The following SRD5A2 variants were observed in gnomAD, a reference collection of about 807,000 sequenced individuals.
SRD5A2 encodes steroid 5 alpha-reductase 2, also known as 3-oxo-5-alpha-steroid 4-dehydrogenase 2.
In SRD5A2, 30 loss-of-function variants were observed where a neutral mutation model predicts 27.4. The ratio of observed to expected loss-of-function variants is 1.10; its 90% CI spans 0.82 to 1.49. SRD5A2 has a LOEUF of 1.49. SRD5A2 is among the 40% of genes most tolerant of loss of function. SRD5A2 has a pLI of 0.00. For missense variants in SRD5A2, 348 were observed against 323.4 expected (o/e 1.08, Z -0.58); for synonymous variants, 141 against 133.6 (o/e 1.06, Z -0.38).
At chr2:31,661,579 A>T in the SRD5A2 span, among the ~76,000 whole-genome samples, 3 of 152,200 alleles carry the variant, frequency 2.0e-5, no homozygotes, top group African/African-American at 7.2e-5. Flanking sequence ...ACAAGAGACT[A>T]ATGAAGAATT....
intron 2 of SRD5A2, among the ~76,000 whole-genome samples, chr2:31,532,464 A>G (rs993385143): frequency 2.6e-5 from 4 of 151,974 alleles, no homozygotes; most frequent in East Asian, 1.9e-4. Context: ...ACTTAGCCAC[A>G]TATCCTGGAG....
At chr2:31,635,194 T>C in the SRD5A2 span, among the ~76,000 whole-genome samples, 4 of 152,130 alleles carry the variant, frequency 2.6e-5, no homozygotes, top group Admixed American at 6.6e-5. Context: ...ATATCCTTGC[T>C]AGCATGTGTT....
chr2:31,633,943 A>G, the SRD5A2 span, among the ~76,000 whole-genome samples: 2 of 152,158 alleles, frequency 1.3e-5, no homozygotes, highest in African/African-American at 4.8e-5. Flanking sequence ...CTTAAAGTAT[A>G]ATAAAAAAAA....
chr2:31,615,495 C>A, the SRD5A2 span, among the ~76,000 whole-genome samples: 2 of 152,102 alleles, frequency 1.3e-5, no homozygotes, highest in Non-Finnish European at 2.9e-5. Flanking sequence ...ATCTGTGGAA[C>A]TTTGAACTTG....
chr2:31,640,091 T>C, the SRD5A2 span, among the ~76,000 whole-genome samples: 1 of 152,000 alleles, frequency 6.6e-6, no homozygotes, highest in Non-Finnish European at 1.5e-5. Context: ...GGTCTTTGAG[T>C]TCATTCATTG....
chr2:31,526,655 A>G (rs768792997), intron 4 of SRD5A2, among the ~76,000 whole-genome samples: 1 of 152,192 alleles, frequency 6.6e-6, no homozygotes, highest in Non-Finnish European at 1.5e-5. Context: ...ACCAAAGACT[A>G]TGGGCAAAGA....
intron 4 of SRD5A2, among the ~76,000 whole-genome samples, chr2:31,528,416 C>A (rs1665827633): frequency 6.6e-6 from 1 of 152,178 alleles, no homozygotes; most frequent in South Asian, 2.1e-4. Context: ...AAAATAGCAG[C>A]CACATAGTCA....
chr2:31,528,767 AAAATAAAT>A lies in SRD5A2; in HGVS notation c.698+532_698+539del, dbSNP rs58489430. 1.0e-3 allele frequency among the ~76,000 whole-genome samples: 151 copies of A among 149,682 alleles called. 2 individuals are homozygous for A. Among genetic ancestry groups the A allele is most frequent in the Admixed American group, 4.8e-3 (72 of 15,060 alleles). On this transcript the variant is annotated intron_variant, in intron 4 of 4. Transcript: ENST00000622030. ...GGCATCAGAGTGAGACTCCAACTCA[AAAATAAAT>A]AAATAAATAAATAAATAAATAAATA...
upstream of SRD5A2, among the ~76,000 whole-genome samples, chr2:31,582,942 A>G (rs1305857651): frequency 6.6e-6 from 1 of 152,054 alleles, no homozygotes; most frequent in African/African-American, 2.4e-5. Context: ...TTTTTAAATG[A>G]AATGTCTTCT....
At chr2:31,599,271 A>G in the SRD5A2 span, among the ~76,000 whole-genome samples, 7 of 152,010 alleles carry the variant, frequency 4.6e-5, no homozygotes, top group Admixed American at 1.3e-4. Flanking sequence ...AAAATCAACC[A>G]AGAAATGTCA....
the SRD5A2 span, among the ~76,000 whole-genome samples, chr2:31,592,400 A>C: frequency 6.6e-6 from 1 of 152,092 alleles, no homozygotes; most frequent in Non-Finnish European, 1.5e-5. Flanking sequence ...ATTTGAGAAA[A>C]CGAGTGCACT....
Position 31,531,364 on chromosome 2 carries a change from A to G in SRD5A2, c.547+7T>C, listed in dbSNP as rs1351185745. On this transcript the variant is annotated splice_region_variant and intron_variant, in intron 3 of 4. Coordinates refer to ENST00000622030, the MANE Select transcript of SRD5A2 (RefSeq NM_000348.4). ...GAGTGAGAGTCTGGGGGCAGGGGAG[A>G]CATTACCTTGTGGAATCCTGTAGCT... 1.9e-6 allele frequency: 3 copies of G among 1,564,998 alleles called. No individual in the cohort carries two copies. The highest frequency in any genetic ancestry group is 1.7e-6 in the Non-Finnish European group (2 of 1,151,362).
the SRD5A2 span, among the ~76,000 whole-genome samples, chr2:31,649,392 A>C: frequency 1.3e-5 from 2 of 152,150 alleles, no homozygotes; most frequent in Non-Finnish European, 1.5e-5. Flanking sequence ...CCCAACACCC[A>C]CTGCCTTGTA....
the SRD5A2 span, among the ~76,000 whole-genome samples, chr2:31,596,414 C>T: frequency 1.3e-5 from 2 of 150,922 alleles, no homozygotes; most frequent in African/African-American, 2.4e-5. Flanking sequence ...AAAAGCATTC[C>T]CCCTGCAGAC....
intron 2 of SRD5A2, 93 bp downstream of exon 2, chr2:31,533,510 G>T: frequency 8.7e-7 from 1 of 1,154,764 alleles, no homozygotes; most frequent in Non-Finnish European, 1.2e-6. Context: ...GGATCATTAC[G>T]AGGTCATTGC....
the SRD5A2 span, among the ~76,000 whole-genome samples, chr2:31,594,586 T>C: frequency 2.0e-5 from 3 of 152,148 alleles, no homozygotes; most frequent in Admixed American, 6.5e-5. Context: ...ATGAAATAGA[T>C]AGCAACAGAG....
the SRD5A2 span, among the ~76,000 whole-genome samples, chr2:31,655,246 T>A: frequency 1.3e-5 from 2 of 152,050 alleles, no homozygotes; most frequent in African/African-American, 2.4e-5. Context: ...AGATTACGGG[T>A]GCCCACCACC....
the SRD5A2 span, among the ~76,000 whole-genome samples, chr2:31,608,335 C>A: frequency 6.6e-6 from 1 of 151,442 alleles, no homozygotes; most frequent in East Asian, 1.9e-4. Context: ...CTCTAAAGCA[C>A]CCCTATAAAA....
the SRD5A2 span, among the ~76,000 whole-genome samples, chr2:31,611,195 C>A: frequency 6.6e-6 from 1 of 152,060 alleles, no homozygotes; most frequent in Non-Finnish European, 1.5e-5. Flanking sequence ...TAGCCCCCAG[C>A]CTTTAAGCCA....
Sources: allele counts gnomAD v4.1 joint callset (sites outside exome capture counted in the v4.1 genomes callset), GRCh38; gene constraint gnomAD v4.1.1; transcripts MANE v1.5; gene names NCBI Gene and HGNC (gene_info 2026-07-23, HGNC 2026-07-21).